The following PDE1C variants were observed in gnomAD, a reference collection of about 807,000 sequenced individuals.
The protein encoded by PDE1C is dual specificity calcium/calmodulin-dependent 3',5'-cyclic nucleotide phosphodiesterase 1C.
In PDE1C, 62 loss-of-function variants were observed where a neutral mutation model predicts 93.1. The ratio of observed to expected loss-of-function variants is 0.67; its 90% CI spans 0.54 to 0.82. The LOEUF (loss-of-function observed/expected upper bound fraction) is 0.82. Among genes scored for constraint, PDE1C ranks in the 40% least tolerant of loss-of-function variants. The probability of loss-of-function intolerance (pLI) is 0.00; values close to 1 mark genes in which losing one functional copy is unlikely to be tolerated. For missense variants in PDE1C, 742 were observed against 884.6 expected, an observed-to-expected ratio of 0.84 and a Z score of 2.04; for synonymous variants, 325 against 310.1, an observed-to-expected ratio of 1.05 and a Z score of -0.50.
At chr7:31,842,793 A>T (rs962725201) in intron 9 of PDE1C, among the ~76,000 whole-genome samples, 1 of 151,422 alleles carries the variant, frequency 6.6e-6, no homozygotes, top group Non-Finnish European at 1.5e-5. Context: ...TCTACTTTGA[A>T]TTTACATTAC....
intron 16 of PDE1C, among the ~76,000 whole-genome samples, chr7:31,777,404 C>T (rs62448799): frequency 0.041 from 6,183 of 152,210 alleles, 288 homozygotes; most frequent in East Asian, 0.19. Flanking sequence ...TCTCGACTCA[C>T]TGCAAGCTCC....
At chr7:32,018,013 G>A (rs1454550511) in intron 2 of PDE1C, among the ~76,000 whole-genome samples, 1 of 151,932 alleles carries the variant, frequency 6.6e-6, no homozygotes, top group Non-Finnish European at 1.5e-5. Context: ...CCGGGAAGTG[G>A]AGGTTGCAGT....
chr7:32,254,642 G>A (rs17161086), intron 1 of PDE1C, among the ~76,000 whole-genome samples: 19,075 of 152,106 alleles, frequency 0.13, 1,425 homozygotes, highest in African/African-American at 0.19. Flanking sequence ...TGGGGAAATC[G>A]ATGCAGAGTA....
At chr7:31,963,011 G>A (rs1035701878) in intron 2 of PDE1C, among the ~76,000 whole-genome samples, 2 of 152,106 alleles carry the variant, frequency 1.3e-5, no homozygotes, top group Non-Finnish European at 2.9e-5. Flanking sequence ...TGGTGCCTTT[G>A]GTTTCTCCCT....
chr7:32,374,335 T>C (rs1278463455), intron 1 of PDE1C, among the ~76,000 whole-genome samples: 1 of 150,536 alleles, frequency 6.6e-6, no homozygotes, highest in Non-Finnish European at 1.5e-5. Flanking sequence ...CTATGTTCTC[T>C]CCCTTTGAAT....
intron 1 of PDE1C, among the ~76,000 whole-genome samples, chr7:32,336,180 T>A (rs368364924): frequency 6.6e-6 from 1 of 152,200 alleles, no homozygotes; most frequent in East Asian, 1.9e-4. Flanking sequence ...TGAAGTTGTA[T>A]AGGATTGCCT....
intron 2 of PDE1C, among the ~76,000 whole-genome samples, chr7:32,017,392 C>T (rs1429680936): frequency 6.6e-6 from 1 of 152,078 alleles, no homozygotes; most frequent in Non-Finnish European, 1.5e-5. Flanking sequence ...AACTATAAAA[C>T]TCTTAGAAGA....
At chr7:32,419,761 C>A (rs548125099) in intron 1 of PDE1C, among the ~76,000 whole-genome samples, 1 of 151,888 alleles carries the variant, frequency 6.6e-6, no homozygotes, top group African/African-American at 2.4e-5. Flanking sequence ...ATGCCTCTTG[C>A]GCTCTTGGTG....
chr7:31,676,618 T>A, the PDE1C span, among the ~76,000 whole-genome samples: 1 of 152,200 alleles, frequency 6.6e-6, no homozygotes, highest in East Asian at 1.9e-4. Flanking sequence ...GGTGTGTGTG[T>A]ATAATTAATT....
At chr7:31,650,998 C>T in the PDE1C span, 2 of 811,738 alleles carry the variant, frequency 2.5e-6, no homozygotes, top group Non-Finnish European at 3.7e-6. Flanking sequence ...ATATTGGGCT[C>T]TTCCTATTCC....
At chr7:31,916,583 T>A (rs561146461) in intron 2 of PDE1C, among the ~76,000 whole-genome samples, 22 of 152,278 alleles carry the variant, frequency 1.4e-4, no homozygotes, top group African/African-American at 5.3e-4. Flanking sequence ...AATTTACTTA[T>A]CCCTGGGCAA....
At chr7:32,394,734 AG>A (rs1784811604) in intron 1 of PDE1C, among the ~76,000 whole-genome samples, 1 of 152,202 alleles carries the variant, frequency 6.6e-6, no homozygotes. Flanking sequence ...GGATAGCTTG[AG>A]CCCAGGAGGC....
At chr7:31,842,032 C>T (rs1220992901) in intron 9 of PDE1C, among the ~76,000 whole-genome samples, 1 of 152,132 alleles carries the variant, frequency 6.6e-6, no homozygotes, top group Non-Finnish European at 1.5e-5. Flanking sequence ...ATCTGCTTTA[C>T]TCAGTCTACC....
At chr7:31,692,385 C>A in the PDE1C span, 1 of 1,381,944 alleles carries the variant, frequency 7.2e-7, no homozygotes, top group African/African-American at 1.4e-5. Context: ...TACTTATTAA[C>A]TGTTTTTTAT....
chr7:32,273,676 C>T (rs1811111736), intron 1 of PDE1C, among the ~76,000 whole-genome samples: 1 of 152,154 alleles, frequency 6.6e-6, no homozygotes, highest in African/African-American at 2.4e-5. Flanking sequence ...TGAATTTTGC[C>T]TTCAAAGACT....
At chr7:31,624,998 T>C in the PDE1C span, among the ~76,000 whole-genome samples, 1 of 152,200 alleles carries the variant, frequency 6.6e-6, no homozygotes, top group African/African-American at 2.4e-5. Flanking sequence ...AAGACATTTA[T>C]GCAGTCAAAA....
chr7:32,389,782 A>T (rs1784717878), intron 1 of PDE1C, among the ~76,000 whole-genome samples: 2 of 152,240 alleles, frequency 1.3e-5, no homozygotes, highest in South Asian at 4.1e-4. Flanking sequence ...AATCTTCAAG[A>T]CTATCTCAAA....
the PDE1C span, chr7:31,707,220 G>A: frequency 1.2e-5 from 20 of 1,613,902 alleles, no homozygotes; most frequent in Non-Finnish European, 1.7e-5. Context: ...CATTGCTCAG[G>A]GACGAGAGAC....
At chr7:32,372,139 T>A (rs1354440498) in intron 1 of PDE1C, among the ~76,000 whole-genome samples, 1 of 148,926 alleles carries the variant, frequency 6.7e-6, no homozygotes, top group Admixed American at 6.8e-5. Flanking sequence ...CCGCAACCTC[T>A]AACTCCTGAG....
Sources: gnomAD v4.1 joint callset for allele counts (sites outside exome capture counted in the v4.1 genomes callset) on GRCh38, gnomAD v4.1.1 for gene constraint, MANE v1.5 for transcripts, NCBI Gene and HGNC (gene_info 2026-07-23, HGNC 2026-07-21) for gene names.